Variants in SPPL2A observed in about 807,000 individuals in gnomAD.
SPPL2A encodes signal peptide peptidase-like 2A.
SPPL2A carries 51 observed loss-of-function variants against 63.8 expected under a neutral mutation model. The ratio of observed to expected loss-of-function variants is 0.80; its 90% CI spans 0.64 to 1.01. The LOEUF is 1.01. Among genes scored for constraint, SPPL2A ranks in the 50% least tolerant of loss-of-function variants. The pLI is 0.00. For missense variants in SPPL2A, 553 were observed against 622.7 expected, an observed-to-expected ratio of 0.89 and a Z score of 1.19; for synonymous variants, 188 against 205.8, an observed-to-expected ratio of 0.91 and a Z score of 0.74.
intron 10 of SPPL2A, among the ~76,000 whole-genome samples, chr15:50,726,743 A>C (rs1006432784): frequency 5.9e-5 from 9 of 152,224 alleles, no homozygotes; most frequent in African/African-American, 2.2e-4. Flanking sequence ...CTTATACTAT[A>C]TGTTCTTAGC....
intron 12 of SPPL2A, among the ~76,000 whole-genome samples, chr15:50,724,804 GTTC>G (rs1184651538): frequency 6.6e-6 from 1 of 152,132 alleles, no homozygotes; most frequent in Non-Finnish European, 1.5e-5. Context: ...ACAAGCTGGT[GTTC>G]TTCTATGTTT....
At chr15:50,712,288 G>A (rs1036060270) in intron 14 of SPPL2A, among the ~76,000 whole-genome samples, 21 of 152,208 alleles carry the variant, frequency 1.4e-4, no homozygotes, top group African/African-American at 2.9e-4. Context: ...TTTAATTGGA[G>A]CGCCTACTTC....
chr15:50,741,383 G>T lies in SPPL2A; in HGVS notation c.585-1555C>A, dbSNP rs374778887. On this transcript the variant is annotated intron_variant, in intron 5 of 14. Coordinates refer to ENST00000261854, the MANE Select transcript of SPPL2A (RefSeq NM_032802.4). ...ATAAAAAAAAAAAAAAGAGTAGATT[G>T]CCTGGGAAAAGAGGAGGGAGAGAGT... 6.6e-5 allele frequency among the ~76,000 whole-genome samples: 10 copies of T among 150,796 alleles called. No individual in the cohort carries two copies. In the East Asian group the frequency reaches 1.4e-3, roughly 21 times the overall value.
chr15:50,718,466 G>A (rs1179079903), intron 14 of SPPL2A, among the ~76,000 whole-genome samples: 2 of 152,086 alleles, frequency 1.3e-5, no homozygotes, highest in African/African-American at 4.8e-5. Flanking sequence ...TATTAGCATA[G>A]TGTATATCAT....
At chr15:50,761,760 A>G (rs1009658719) in intron 1 of SPPL2A, among the ~76,000 whole-genome samples, 1 of 151,426 alleles carries the variant, frequency 6.6e-6, no homozygotes, top group Non-Finnish European at 1.5e-5. Flanking sequence ...ACACAGTGAA[A>G]CCCCGTTTCT....
At chr15:50,751,095 G>A (rs2062901871) in intron 1 of SPPL2A, among the ~76,000 whole-genome samples, 1 of 152,192 alleles carries the variant, frequency 6.6e-6, no homozygotes, top group Non-Finnish European at 1.5e-5. Context: ...GGGCTGCACA[G>A]CTTATGGATC....
rs1282338282 is a variant in SPPL2A at position 50,702,765 on chromosome 15, TAAAA to T, written c.*5031_*5034del. ...AATTGCCAGTAATGGAGGACTACTA[TAAAA>T]ATTTAGTTTTAAAAATAATTTTTCT... is the stretch of plus-strand genomic sequence containing the variant. On this transcript the variant is annotated 3_prime_UTR_variant, in exon 15 of 15. Transcript: ENST00000261854. 1 of 152,226 alleles carries T rather than the reference TAAAA, an allele frequency of 6.6e-6. No homozygotes were observed. The highest frequency in any genetic ancestry group is 1.5e-5 in the Non-Finnish European group (1 of 68,036). 9.4% of individuals were successfully genotyped at this position (152,226 alleles called of 1,614,324 possible). A position where few individuals can be genotyped will look rare whatever the true frequency, so the allele number is the denominator to read the frequency against.
chr15:50,717,979 T>TG (rs1273292989), intron 14 of SPPL2A, among the ~76,000 whole-genome samples: 2 of 145,410 alleles, frequency 1.4e-5, no homozygotes, highest in Admixed American at 6.8e-5. Flanking sequence ...TTTTTTTTTT[T>TG]TTTTTTTTTT....
rs549710512 is a variant in SPPL2A, at chr15:50,723,478, T to G, written c.1250-1277A>C. ...CAGACTGGAATACTATTCAGTTGGGTTTTTTTTGTTTTTTTTTGAGACAGA... is the reference window on the plus strand; with the variant it reads ...CAGACTGGAATACTATTCAGTTGGGGTTTTTTTGTTTTTTTTTGAGACAGA... On this transcript the variant is annotated intron_variant, in intron 12 of 14. Coordinates refer to ENST00000261854, the MANE Select transcript of SPPL2A (RefSeq NM_032802.4). Among the ~76,000 whole-genome samples, 29 of 149,612 alleles carry G rather than the reference T, an allele frequency of 1.9e-4. No homozygotes were observed. The East Asian group carries it at 5.1e-3, about 26-fold the overall frequency.
intron 8 of SPPL2A, 144 bp downstream of exon 8, chr15:50,735,957 C>A (rs1204722838): frequency 3.5e-6 from 2 of 563,856 alleles, no homozygotes; most frequent in Admixed American, 3.2e-5. Flanking sequence ...AACATAAGAT[C>A]TGCTTATTTA....
chr15:50,749,507 T>C lies in SPPL2A; in HGVS notation c.177+129A>G, dbSNP rs369587763. On this transcript the variant is annotated intron_variant, in intron 2 of 14. Transcript: ENST00000261854. Reference sequence around the variant, plus strand: ...TTCACCGTGTTAGCCAGGATGGTCTTGATCTCCTGACCTCATGATCCGCCC... The same window carrying C: ...TTCACCGTGTTAGCCAGGATGGTCTCGATCTCCTGACCTCATGATCCGCCC... The C allele has an allele frequency of 2.0e-4, 133 of 652,014 alleles. 1 individual carries two copies. Among genetic ancestry groups the C allele is most frequent in the Middle Eastern group, 3.0e-4 (1 of 3,368 alleles). The allele number at this position is 652,014 out of a possible 1,614,324, so 40.4% of individuals were successfully genotyped here.
At chr15:50,711,838 C>T (rs547903058) in intron 14 of SPPL2A, among the ~76,000 whole-genome samples, 2 of 152,264 alleles carry the variant, frequency 1.3e-5, no homozygotes, top group East Asian at 3.9e-4. Context: ...TTTATATTAC[C>T]TGTTTTGTCT....
Position 50,731,128 on chromosome 15 carries a change from G to A in SPPL2A, c.1015-89C>T, listed in dbSNP as rs1414928557. The A allele has an allele frequency of 4.9e-6, 3 of 606,782 alleles. No homozygotes were observed. The African/African-American group carries it at 5.7e-5, about 12-fold the overall frequency. 37.6% of individuals were successfully genotyped at this position (606,782 alleles called of 1,614,324 possible). A position where few individuals can be genotyped will look rare whatever the true frequency, so the allele number is the denominator to read the frequency against. Reference sequence around the variant, plus strand: ...GTTTTTCAAGTGCAAATAAATATATGAATATACATTTAAATATTACTTTTA... The same window carrying A: ...GTTTTTCAAGTGCAAATAAATATATAAATATACATTTAAATATTACTTTTA... On this transcript the variant is annotated intron_variant, in intron 9 of 14. Coordinates refer to ENST00000261854, the MANE Select transcript of SPPL2A (RefSeq NM_032802.4).
chr15:50,749,926 A>G, intron 1 of SPPL2A, 180 bp from the exon 2 acceptor site: 1 of 594,750 alleles, frequency 1.7e-6, no homozygotes, highest in Non-Finnish European at 3.0e-6. Context: ...TTAAAACTAT[A>G]CACAATTGCC....
intron 1 of SPPL2A, 83 bp downstream of exon 1, chr15:50,765,385 G>A (rs145059998): frequency 0.013 from 13,632 of 1,084,828 alleles, 117 homozygotes; most frequent in African/African-American, 0.03. Context: ...GAGGCCGGGC[G>A]AGGAGTAGGG....
In SPPL2A at chr15:50,707,682, A is replaced by G. The variant is rs1596372257; in HGVS notation, c.*118T>C. On this transcript the variant is annotated 3_prime_UTR_variant, in exon 15 of 15. Coordinates refer to ENST00000261854, the MANE Select transcript of SPPL2A (RefSeq NM_032802.4). ...ACTGTCAGTACCAGCTCATAAAAAT[A>G]TATTTTTGCAAGCATATCATTGAAG... 1.6e-6 allele frequency: 1 copy of G among 620,454 alleles called. No individual in the cohort carries two copies. Among genetic ancestry groups the G allele is most frequent in the Admixed American group, 2.9e-5 (1 of 34,824 alleles). 38.4% of individuals were successfully genotyped at this position (620,454 alleles called of 1,614,324 possible). A position where few individuals can be genotyped will look rare whatever the true frequency, so the allele number is the denominator to read the frequency against.
At chr15:50,735,522 TACACACACACACATATATACATAC>T (rs1191832864) in intron 8 of SPPL2A, among the ~76,000 whole-genome samples, 3 of 142,638 alleles carry the variant, frequency 2.1e-5, no homozygotes, top group Admixed American at 1.5e-4. Context: ...CATACATATA[TACACACACACACATATATACATAC>T]ACACACACAC....
chr15:50,752,544 C>T (rs1017976680), intron 1 of SPPL2A, among the ~76,000 whole-genome samples: 1 of 151,978 alleles, frequency 6.6e-6, no homozygotes, highest in African/African-American at 2.4e-5. Flanking sequence ...ATGGTGAAAC[C>T]CTGTCTGTAC....
rs2062495540 is a variant in SPPL2A, at chr15:50,704,377, A to G, written c.*3423T>C. 6.6e-6 allele frequency: 1 copy of G among 151,950 alleles called. No homozygotes were observed. The highest frequency in any genetic ancestry group is 1.9e-4 in the East Asian group (1 of 5,182). 9.4% of individuals were successfully genotyped at this position (151,950 alleles called of 1,614,324 possible). ...AAAAAAAAAAAATCTACAAGCTAGA[A>G]GAAAATATAATGTATTAGAATATCA... On this transcript the variant is annotated 3_prime_UTR_variant, in exon 15 of 15. Transcript: ENST00000261854.
Sources: allele counts gnomAD v4.1 joint callset (sites outside exome capture counted in the v4.1 genomes callset), GRCh38; gene constraint gnomAD v4.1.1; transcripts MANE v1.5; gene names NCBI Gene and HGNC (gene_info 2026-07-23, HGNC 2026-07-21).